The following SPIDR variants were observed in gnomAD, a reference collection of about 807,000 sequenced individuals.
SPIDR encodes the protein scaffold protein involved in DNA repair.
SPIDR carries 93 observed loss-of-function variants against 104.6 expected under a neutral mutation model. That is an observed-to-expected ratio of 0.89 (90% confidence interval 0.75 to 1.06). SPIDR has a LOEUF of 1.06. Ranked by LOEUF, SPIDR falls within the 50% of genes least tolerant of loss-of-function variation. SPIDR has a pLI of 0.00. For missense variants in SPIDR, 1,154 were observed against 1,111.2 expected, an observed-to-expected ratio of 1.04 and a Z score of -0.55; for synonymous variants, 431 against 416.9, an observed-to-expected ratio of 1.03 and a Z score of -0.41.
intron 8 of SPIDR, among the ~76,000 whole-genome samples, chr8:47,545,895 A>C (rs1188546859): frequency 6.6e-6 from 1 of 151,806 alleles, no homozygotes; most frequent in African/African-American, 2.4e-5. Flanking sequence ...TGATCATATG[A>C]TTTTTTCTTT....
At chr8:47,634,983 A>T (rs2067668333) in intron 10 of SPIDR, among the ~76,000 whole-genome samples, 1 of 152,192 alleles carries the variant, frequency 6.6e-6, no homozygotes, top group Admixed American at 6.5e-5. Flanking sequence ...ATGATCAAGT[A>T]ACACTTTTCT....
At chr8:47,303,397 T>C (rs2042556020) in intron 5 of SPIDR, among the ~76,000 whole-genome samples, 1 of 152,178 alleles carries the variant, frequency 6.6e-6, no homozygotes. Context: ...ACTTCCCGGG[T>C]GAGGTGATGC....
chr8:47,692,196 T>A (rs1187621266), intron 11 of SPIDR, among the ~76,000 whole-genome samples: 1 of 152,244 alleles, frequency 6.6e-6, no homozygotes, highest in Non-Finnish European at 1.5e-5. Flanking sequence ...ACTAAAAATT[T>A]ACCCTTTTTA....
At chr8:47,624,288 A>G (rs1428770932) in intron 10 of SPIDR, among the ~76,000 whole-genome samples, 1 of 152,270 alleles carries the variant, frequency 6.6e-6, no homozygotes, top group Admixed American at 6.5e-5. Flanking sequence ...AAAGCAGGAA[A>G]GATCTAAAAT....
At chr8:47,357,274 C>T (rs1563728126) in intron 5 of SPIDR, among the ~76,000 whole-genome samples, 1 of 152,178 alleles carries the variant, frequency 6.6e-6, no homozygotes, top group Non-Finnish European at 1.5e-5. Flanking sequence ...CCTTGGCACA[C>T]TTTGGTATTT....
chr8:47,285,371 A>G (rs2154230047), intron 3 of SPIDR, among the ~76,000 whole-genome samples: 1 of 152,342 alleles, frequency 6.6e-6, no homozygotes, highest in African/African-American at 2.4e-5. Context: ...CACATCTTTT[A>G]AATTCTATAA....
At chr8:47,438,361 C>T (rs201553611) in intron 7 of SPIDR, among the ~76,000 whole-genome samples, 5 of 152,164 alleles carry the variant, frequency 3.3e-5, no homozygotes, top group African/African-American at 7.2e-5. Flanking sequence ...CTCCTGTGGC[C>T]GCTGTAGCTC....
At chr8:47,509,673 T>G (rs757737284) in intron 8 of SPIDR, among the ~76,000 whole-genome samples, 10 of 152,342 alleles carry the variant, frequency 6.6e-5, no homozygotes, top group Admixed American at 3.3e-4. Context: ...CCTCTTTAGA[T>G]AACTGTATGG....
intron 5 of SPIDR, among the ~76,000 whole-genome samples, chr8:47,352,908 G>T (rs1554623432): frequency 6.6e-6 from 1 of 151,808 alleles, no homozygotes; most frequent in Admixed American, 6.6e-5. Context: ...ACAAAAATTA[G>T]CTGGGCGTGG....
intron 11 of SPIDR, among the ~76,000 whole-genome samples, chr8:47,688,016 A>AGT (rs141582845): frequency 0.014 from 2,094 of 145,684 alleles, 19 homozygotes; most frequent in African/African-American, 0.027. Context: ...AAAAAAAAAA[A>AGT]GTGTGTGTGT....
At chr8:47,573,411 A>G (rs2058739338) in intron 8 of SPIDR, among the ~76,000 whole-genome samples, 1 of 152,262 alleles carries the variant, frequency 6.6e-6, no homozygotes, top group Non-Finnish European at 1.5e-5. Flanking sequence ...GTGATAAGGC[A>G]GGAAGGTCAG....
Position 47,469,187 on chromosome 8 carries a change from A to G in SPIDR, c.1097+28645A>G, listed in dbSNP as rs539407563. ...GAATGGCTATTATTAAAAAGTCAAA[A>G]AAATAACAGCTGCTGGCAAGGTTGT... On this transcript the variant is annotated intron_variant, in intron 8 of 19. Transcript: ENST00000297423. Among the ~76,000 whole-genome samples the G allele has an allele frequency of 4.5e-4, 69 of 152,332 alleles. 2 individuals carry two copies. The highest frequency in any genetic ancestry group is 3.2e-3 in the Admixed American group (49 of 15,306).
chr8:47,684,325 A>G (rs1320667593), intron 11 of SPIDR, among the ~76,000 whole-genome samples: 2 of 152,114 alleles, frequency 1.3e-5, no homozygotes, highest in African/African-American at 4.8e-5. Context: ...GCTCTGAATT[A>G]TTTGACTGTG....
chr8:47,671,960 C>A (rs957456369), intron 10 of SPIDR, among the ~76,000 whole-genome samples: 1 of 151,880 alleles, frequency 6.6e-6, no homozygotes, highest in Non-Finnish European at 1.5e-5. Context: ...CTTTTTCCCC[C>A]CTTTGTTTTT....
chr8:47,628,384 A>G (rs1261415637), intron 10 of SPIDR, among the ~76,000 whole-genome samples: 2 of 152,204 alleles, frequency 1.3e-5, no homozygotes, highest in African/African-American at 2.4e-5. Flanking sequence ...AATTCTGACT[A>G]AAGGCAAAAA....
At chr8:47,451,316 T>G (rs1434768074) in intron 8 of SPIDR, among the ~76,000 whole-genome samples, 1 of 152,114 alleles carries the variant, frequency 6.6e-6, no homozygotes, top group Non-Finnish European at 1.5e-5. Context: ...TGTGGTGACT[T>G]AACGCCTGTA....
At chr8:47,498,192 T>TTTCTCTCC (rs2079761938) in intron 8 of SPIDR, among the ~76,000 whole-genome samples, 1 of 152,198 alleles carries the variant, frequency 6.6e-6, no homozygotes, top group South Asian at 2.1e-4. Context: ...TCTGTCTCTC[T>TTTCTCTCC]TTCTCTCCCT....
At position 47,454,021 on chromosome 8, in the gene SPIDR, C is replaced by G. The variant is rs797044093; in HGVS notation, c.1097+13479C>G. Among the ~76,000 whole-genome samples the G allele has an allele frequency of 1.7e-4, 26 of 152,238 alleles. 1 individual carries two copies. The highest frequency in any genetic ancestry group is 5.8e-4 in the African/African-American group (24 of 41,536). ...TGGAGAAATAGGAACACTTTTACAGCATTGGTGGGACTGTAAACTGGTTCA... is the reference window on the plus strand; with the variant it reads ...TGGAGAAATAGGAACACTTTTACAGGATTGGTGGGACTGTAAACTGGTTCA... On this transcript the variant is annotated intron_variant, in intron 8 of 19. Transcript: ENST00000297423.
chr8:47,381,674 C>T (rs1554645507), intron 5 of SPIDR, among the ~76,000 whole-genome samples: 1 of 152,170 alleles, frequency 6.6e-6, no homozygotes, highest in Non-Finnish European at 1.5e-5. Flanking sequence ...AGAGCAGAAA[C>T]CAGCGATTGG....
Sources: allele counts gnomAD v4.1 joint callset (sites outside exome capture counted in the v4.1 genomes callset), GRCh38; gene constraint gnomAD v4.1.1; transcripts MANE v1.5; gene names NCBI Gene and HGNC (gene_info 2026-07-23, HGNC 2026-07-21).